Variants in IL1RAPL1 observed in about 807,000 individuals in gnomAD.
The protein encoded by IL1RAPL1 is interleukin 1 receptor accessory protein like 1.
A neutral mutation model predicts 48.4 loss-of-function variants in IL1RAPL1; 3 were observed. The ratio of observed to expected loss-of-function variants is 0.06; its 90% CI spans 0.03 to 0.16. The LOEUF (loss-of-function observed/expected upper bound fraction) is 0.16, where lower values mean the gene tolerates loss of function less well. IL1RAPL1 is among the 10% of genes least tolerant of loss of function. The pLI, the probability that IL1RAPL1 is intolerant of heterozygous loss-of-function variation, is 1.00. For missense variants in IL1RAPL1, 349 were observed against 530.6 expected (o/e 0.66, Z 3.36); for synonymous variants, 185 against 187.7 (o/e 0.99, Z 0.12).
At chrX:28,784,150 T>C (rs1936450863) in intron 1 of IL1RAPL1, among the ~76,000 whole-genome samples, 1 of 112,296 alleles carries the variant, frequency 8.9e-6, no homozygotes, top group Non-Finnish European at 1.9e-5. Context: ...TAACTTATGG[T>C]TGCAGAGTAT....
chrX:29,830,442 T>G (rs1237741378), intron 6 of IL1RAPL1, among the ~76,000 whole-genome samples: 1 of 109,977 alleles, frequency 9.1e-6, no homozygotes, highest in Non-Finnish European at 1.9e-5. Flanking sequence ...ATTTACCAAT[T>G]CTGACTCTTT....
chrX:29,001,367 G>A (rs1350192777), intron 2 of IL1RAPL1, among the ~76,000 whole-genome samples: 1 of 111,922 alleles, frequency 8.9e-6, no homozygotes, highest in Non-Finnish European at 1.9e-5. Context: ...ATAGAAGGTA[G>A]GAAATTACTG....
In IL1RAPL1 at chrX:29,305,333, G is replaced by C. The variant is rs567004235; in HGVS notation, c.362+22116G>C. Among the ~76,000 whole-genome samples, 45 of 111,750 alleles carry C rather than the reference G, an allele frequency of 4.0e-4. No individual in the cohort carries two copies. In the South Asian group the frequency reaches 0.016, roughly 40 times the overall value. ...AGCTTGAGTGAGAAAATGTAACTTT[G>C]TTATTGAAAAAGTCATGACAATTTT... On this transcript the variant is annotated intron_variant, in intron 3 of 10. Coordinates refer to ENST00000378993, the MANE Select transcript of IL1RAPL1 (RefSeq NM_014271.4).
At chrX:29,020,811 A>G (rs1926346900) in intron 2 of IL1RAPL1, among the ~76,000 whole-genome samples, 1 of 112,227 alleles carries the variant, frequency 8.9e-6, no homozygotes, top group African/African-American at 3.2e-5. Context: ...TCTCCTAAAT[A>G]AAAGTTTCTA....
At position 29,511,103 on chromosome X, in the gene IL1RAPL1, A is replaced by G. The variant is rs561658048; in HGVS notation, c.703+111795A>G. ...CTTTTCCATCAGGTTCAGTCTTTGG[A>G]TAGTTTTAGAAAGTAGAAAGTTCTT... On this transcript the variant is annotated intron_variant, in intron 5 of 10. Transcript: ENST00000378993. 4.9e-4 allele frequency among the ~76,000 whole-genome samples: 55 copies of G among 111,652 alleles called. No homozygotes were observed. In the South Asian group the frequency reaches 7.1e-3, roughly 14 times the overall value.
chrX:29,946,646 T>C (rs1052876974), intron 9 of IL1RAPL1, among the ~76,000 whole-genome samples: 5 of 112,233 alleles, frequency 4.5e-5, no homozygotes, highest in African/African-American at 1.6e-4. Context: ...ATGTGTGTGT[T>C]TGTGTGCATG....
Position 29,448,372 on chromosome X carries a change from T to G in IL1RAPL1, c.703+49064T>G, listed in dbSNP as rs1934636159. On this transcript the variant is annotated intron_variant, in intron 5 of 10. Transcript: ENST00000378993. ...AGACCTTCTTCCTAGGCAAACATAT[T>G]TCTCAATTCCATGTCCATATTACAG... is the stretch of plus-strand genomic sequence containing the variant. Among the ~76,000 whole-genome samples, 3 of 112,110 alleles carry G rather than the reference T, an allele frequency of 2.7e-5. No homozygotes were observed. The Admixed American group carries it at 2.8e-4, about 11-fold the overall frequency.
At chrX:29,644,510 A>C (rs1292032598) in intron 5 of IL1RAPL1, among the ~76,000 whole-genome samples, 1 of 109,893 alleles carries the variant, frequency 9.1e-6, no homozygotes, top group Non-Finnish European at 1.9e-5. Context: ...CCAGGACTAC[A>C]TGGCTAATCT....
At chrX:29,005,509 C>A (rs899676464) in intron 2 of IL1RAPL1, among the ~76,000 whole-genome samples, 1 of 111,547 alleles carries the variant, frequency 9.0e-6, no homozygotes, top group Admixed American at 9.5e-5. Flanking sequence ...AAAAACAAGT[C>A]TTCTGTGTCA....
chrX:29,318,252 A>G (rs1332455907), intron 3 of IL1RAPL1, among the ~76,000 whole-genome samples: 1 of 112,537 alleles, frequency 8.9e-6, no homozygotes, highest in Non-Finnish European at 1.9e-5. Flanking sequence ...GGAAGAGATT[A>G]CTCAACTAAT....
chrX:28,820,018 G>A (rs12394564), intron 2 of IL1RAPL1, among the ~76,000 whole-genome samples: 4,447 of 44,636 alleles, frequency 0.1, 351 homozygotes, highest in African/African-American at 0.24. Flanking sequence ...ATATATACAT[G>A]TACTGTATCT....
chrX:29,241,899 C>A (rs1324277800), intron 2 of IL1RAPL1, among the ~76,000 whole-genome samples: 1 of 111,723 alleles, frequency 9.0e-6, no homozygotes, highest in Non-Finnish European at 1.9e-5. Context: ...GATAAACGAT[C>A]CCACAAGGTG....
intron 2 of IL1RAPL1, among the ~76,000 whole-genome samples, chrX:28,949,748 T>G (rs760185746): frequency 2.7e-3 from 292 of 109,346 alleles, no homozygotes; most frequent in African/African-American, 9.2e-3. Context: ...TTTTGAGAAG[T>G]GTCTGTTCAT....
intron 1 of IL1RAPL1, among the ~76,000 whole-genome samples, chrX:28,763,985 T>G (rs764705122): frequency 1.8e-5 from 2 of 110,791 alleles, no homozygotes; most frequent in South Asian, 7.6e-4. Flanking sequence ...ATTTTCATAT[T>G]TCATACCAAT....
At chrX:28,983,338 C>A (rs1003669729) in intron 2 of IL1RAPL1, among the ~76,000 whole-genome samples, 1 of 112,020 alleles carries the variant, frequency 8.9e-6, no homozygotes, top group Non-Finnish European at 1.9e-5. Flanking sequence ...CTTCCCCTTT[C>A]CCAGTCCTTC....
At chrX:28,604,107 A>G (rs746121389) in intron 1 of IL1RAPL1, among the ~76,000 whole-genome samples, 1 of 112,583 alleles carries the variant, frequency 8.9e-6, no homozygotes, top group African/African-American at 3.2e-5. Context: ...ATAAATTACA[A>G]GGTGATAAAA....
At chrX:29,489,472 A>G (rs1232256942) in intron 5 of IL1RAPL1, among the ~76,000 whole-genome samples, 1 of 112,238 alleles carries the variant, frequency 8.9e-6, no homozygotes, top group South Asian at 3.7e-4. Flanking sequence ...AATGTCATAC[A>G]CAAAAATTAT....
intron 6 of IL1RAPL1, among the ~76,000 whole-genome samples, chrX:29,738,103 C>T (rs1928096089): frequency 8.9e-6 from 1 of 112,249 alleles, no homozygotes; most frequent in Non-Finnish European, 1.9e-5. Context: ...ATGCCCTCAT[C>T]GTTTGTTTAA....
At chrX:28,713,943 T>C (rs1385611742) in intron 1 of IL1RAPL1, among the ~76,000 whole-genome samples, 1 of 112,107 alleles carries the variant, frequency 8.9e-6, no homozygotes, top group Non-Finnish European at 1.9e-5. Context: ...CAGCAGGAAC[T>C]GCCAATATCG....
Sources: allele counts gnomAD v4.1 joint callset (sites outside exome capture counted in the v4.1 genomes callset), GRCh38; gene constraint gnomAD v4.1.1; transcripts MANE v1.5; gene names NCBI Gene and HGNC (gene_info 2026-07-23, HGNC 2026-07-21).